GMFB: variants seen among roughly 807,000 people sequenced by gnomAD.
GMFB encodes the protein GMF-beta.
GMFB carries 13 observed loss-of-function variants against 25.6 expected under a neutral mutation model. The observed-to-expected ratio is 0.51, with a 90% CI of 0.33 to 0.81. The LOEUF (loss-of-function observed/expected upper bound fraction) is 0.81, where lower values mean the gene tolerates loss of function less well. Ranked by LOEUF, GMFB falls within the 30% of genes least tolerant of loss-of-function variation. GMFB has a pLI of 0.02. For synonymous variants in GMFB, 57 were observed against 56.9 expected (o/e 1.00, Z 0.00); for missense variants, 146 against 175.4 (o/e 0.83, Z 0.95).
chr14:54,484,356 CAAAA>C (rs1594634712), intron 1 of GMFB, among the ~76,000 whole-genome samples: 1 of 151,666 alleles, frequency 6.6e-6, no homozygotes, highest in Non-Finnish European at 1.5e-5. Flanking sequence ...AAAGCAGAGA[CAAAA>C]AGAAACATTG....
chr14:54,488,940 C>T lies in GMFB; in HGVS notation c.-13G>A. On this transcript the variant is annotated 5_prime_UTR_variant, in exon 1 of 7. Transcript: ENST00000358056. ...GGCAACTCACCATTTTCCTTCCGGC[C>T]GTCAGCGGCCTGTCGCCTACACTCG... 1 of 1,560,400 alleles carries T rather than the reference C, an allele frequency of 6.4e-7. No individual in the cohort carries two copies. The highest frequency in any genetic ancestry group is 8.6e-7 in the Non-Finnish European group (1 of 1,156,488).
intron 2 of GMFB, chr14:54,483,007 T>C (rs2031733131): frequency 6.6e-6 from 1 of 152,224 alleles, no homozygotes; most frequent in Admixed American, 6.5e-5. Flanking sequence ...AAATCACATC[T>C]GCCAGATGCA....
At chr14:54,486,857 A>G (rs565923217) in intron 1 of GMFB, among the ~76,000 whole-genome samples, 1 of 145,960 alleles carries the variant, frequency 6.9e-6, no homozygotes, top group South Asian at 2.3e-4. Flanking sequence ...CTTAACCACT[A>G]CAAAGGAGGT....
chr14:54,484,815 A>C (rs2031761403), intron 1 of GMFB, among the ~76,000 whole-genome samples: 1 of 152,216 alleles, frequency 6.6e-6, no homozygotes, highest in Non-Finnish European at 1.5e-5. Flanking sequence ...GCAACAACAC[A>C]TTAAAAAGAT....
intron 2 of GMFB, chr14:54,483,286 A>G (rs1210470928): frequency 5.7e-6 from 1 of 175,336 alleles, no homozygotes; most frequent in Non-Finnish European, 1.2e-5. Context: ...TATGTACACA[A>G]TGCTGAACTT....
rs1045991580 is a variant in GMFB, at chr14:54,483,776, G to C, written c.4-9C>G. 3 of 1,491,020 alleles carry C rather than the reference G, an allele frequency of 2.0e-6. No homozygotes were observed. The Admixed American group carries it at 5.3e-5, about 26-fold the overall frequency. 92.4% of individuals were successfully genotyped at this position (1,491,020 alleles called of 1,614,324 possible). A position where few individuals can be genotyped will look rare whatever the true frequency, so the allele number is the denominator to read the frequency against. ...ACAACCAAAGACTCACTCTATAAAA[G>C]AAAAAAAACACACATAAAATGCCAT... On this transcript the variant is annotated splice_polypyrimidine_tract_variant and intron_variant, in intron 1 of 6. Coordinates refer to ENST00000358056, the MANE Select transcript of GMFB (RefSeq NM_004124.3).
chr14:54,477,491 A>C lies in GMFB; in HGVS notation c.*597T>G, dbSNP rs889421792. On this transcript the variant is annotated 3_prime_UTR_variant, in exon 7 of 7. Transcript: ENST00000358056. ...GCTAACAGTCATAATTCTATCATAAAATCTAACTCCCGACCTTAAAAATGA... is the reference window on the plus strand; with the variant it reads ...GCTAACAGTCATAATTCTATCATAACATCTAACTCCCGACCTTAAAAATGA... 1.3e-5 allele frequency: 2 copies of C among 152,156 alleles called. No homozygotes were observed. Among genetic ancestry groups the C allele is most frequent in the African/African-American group, 4.8e-5 (2 of 41,426 alleles). The allele number at this position is 152,156 out of a possible 1,614,324, so 9.4% of individuals were successfully genotyped here.
chr14:54,481,419 G>T lies in GMFB; in HGVS notation c.190C>A (p.Arg64=). The T allele has an allele frequency of 6.2e-7, 1 of 1,604,072 alleles. No individual in the cohort carries two copies. The highest frequency in any genetic ancestry group is 8.5e-7 in the Non-Finnish European group (1 of 1,171,304). ...CTAAGAAAAGGATATCGAGGTTGTC[G>T]TTCAGGTAGTTCATCTTTAAGTTCA... is the stretch of plus-strand genomic sequence containing the variant. ...PDELKDELPE[R]QPRFIVYSYK... The change falls in exon 4 of 7, where the codon CGA becomes AGA. Residue 64 remains arginine, a synonymous_variant. Transcript: ENST00000358056.
intron 1 of GMFB, chr14:54,488,505 C>G (rs1380725228): frequency 5.4e-6 from 1 of 184,382 alleles, no homozygotes; most frequent in East Asian, 1.3e-4. Flanking sequence ...GTGGAAGATG[C>G]TCGGGGCCCA....
intron 1 of GMFB, among the ~76,000 whole-genome samples, chr14:54,487,834 A>G (rs2031808666): frequency 6.6e-6 from 1 of 152,246 alleles, no homozygotes; most frequent in South Asian, 2.1e-4. Flanking sequence ...GATGAAGAAT[A>G]CAGAATGGAA....
chr14:54,483,609 T>G lies in GMFB; in HGVS notation c.100+62A>C, dbSNP rs913809548. 3.6e-6 allele frequency: 3 copies of G among 826,252 alleles called. No individual in the cohort carries two copies. The African/African-American group carries it at 5.1e-5, about 14-fold the overall frequency. The allele number at this position is 826,252 out of a possible 1,614,324, so 51.2% of individuals were successfully genotyped here. On this transcript the variant is annotated intron_variant, in intron 2 of 6. Coordinates refer to ENST00000358056, the MANE Select transcript of GMFB (RefSeq NM_004124.3). Reference sequence around the variant, plus strand: ...TTCCAACGGTTCAGTTCATTCAATGTAGCTACAAGATTAAAAACAAATTAA... The same window carrying G: ...TTCCAACGGTTCAGTTCATTCAATGGAGCTACAAGATTAAAAACAAATTAA...
chr14:54,481,668 T>C (rs1252707195), intron 3 of GMFB, among the ~76,000 whole-genome samples: 12 of 152,180 alleles, frequency 7.9e-5, no homozygotes, highest in African/African-American at 2.9e-4. Flanking sequence ...TCATTCCATT[T>C]ATTAAGTAAA....
intron 1 of GMFB, among the ~76,000 whole-genome samples, chr14:54,485,822 A>G (rs927961097): frequency 1.3e-5 from 2 of 152,120 alleles, no homozygotes; most frequent in Admixed American, 6.5e-5. Flanking sequence ...ATGAAACAGA[A>G]TAGAGAACCC....
At chr14:54,478,271 T>C (rs2031667543) in intron 6 of GMFB, 112 bp from the exon 7 acceptor site, 7 of 470,354 alleles carry the variant, frequency 1.5e-5, no homozygotes, top group Non-Finnish European at 2.7e-5. Flanking sequence ...TTTTTGGTTA[T>C]ATATTTGAGT....
rs920721051 is a variant in GMFB at position 54,475,623 on chromosome 14, C to T, written c.*2465G>A. 21 of 152,474 alleles carry T rather than the reference C, an allele frequency of 1.4e-4. No individual in the cohort carries two copies. The highest frequency in any genetic ancestry group is 4.6e-4 in the African/African-American group (19 of 41,410). The allele number at this position is 152,474 out of a possible 1,614,324, so 9.4% of individuals were successfully genotyped here. On this transcript the variant is annotated 3_prime_UTR_variant, in exon 7 of 7. Coordinates refer to ENST00000358056, the MANE Select transcript of GMFB (RefSeq NM_004124.3). The stretch of plus-strand genomic sequence containing the variant: ...ACATTTTGGAATTTCAGCATAGTAA[C>T]CTGAGAAGTTTTCTTCGTATGTATT...
Position 54,481,393 on chromosome 14 carries a change from A to C in GMFB, c.200+16T>G, listed in dbSNP as rs1345647784. 6.5e-7 allele frequency: 1 copy of C among 1,549,364 alleles called. No homozygotes were observed. The highest frequency in any genetic ancestry group is 1.7e-5 in the Admixed American group (1 of 59,864). ...CTAAAGAAAATAAATCTTTTAAAGCACTAAGAAAAGGATATCGAGGTTGTC... is the reference window on the plus strand; with the variant it reads ...CTAAAGAAAATAAATCTTTTAAAGCCCTAAGAAAAGGATATCGAGGTTGTC... On this transcript the variant is annotated intron_variant, in intron 4 of 6. Transcript: ENST00000358056.
rs994823177 is a variant in GMFB, at chr14:54,475,163, G to C, written c.*2925C>G. 6.6e-6 allele frequency: 1 copy of C among 152,490 alleles called. No homozygotes were observed. Among genetic ancestry groups the C allele is most frequent in the Admixed American group, 6.6e-5 (1 of 15,264 alleles). 9.4% of individuals were successfully genotyped at this position (152,490 alleles called of 1,614,324 possible). On this transcript the variant is annotated 3_prime_UTR_variant, in exon 7 of 7. Coordinates refer to ENST00000358056, the MANE Select transcript of GMFB (RefSeq NM_004124.3). ...TCTATTCATCACTAGTCCACATATGGATTAATGACATTGCTCAGGTTTTAA... is the reference window on the plus strand; with the variant it reads ...TCTATTCATCACTAGTCCACATATGCATTAATGACATTGCTCAGGTTTTAA...
chr14:54,488,122 A>G (rs937328161), intron 1 of GMFB, among the ~76,000 whole-genome samples: 1 of 152,224 alleles, frequency 6.6e-6, no homozygotes, highest in Admixed American at 6.5e-5. Flanking sequence ...CTGAGAATTG[A>G]GTGGATGGTC....
At chr14:54,485,076 T>C (rs936742384) in intron 1 of GMFB, among the ~76,000 whole-genome samples, 2 of 148,484 alleles carry the variant, frequency 1.3e-5, no homozygotes, top group Admixed American at 1.3e-4. Context: ...GCATACTAAA[T>C]GGGGAAAAAC....
Sources: allele counts gnomAD v4.1 joint callset (sites outside exome capture counted in the v4.1 genomes callset), GRCh38; gene constraint gnomAD v4.1.1; transcripts MANE v1.5; gene names NCBI Gene and HGNC (gene_info 2026-07-23, HGNC 2026-07-21).